The following PDE1C variants were observed in gnomAD, a reference collection of about 807,000 sequenced individuals.
PDE1C encodes dual specificity calcium/calmodulin-dependent 3',5'-cyclic nucleotide phosphodiesterase 1C.
PDE1C carries 62 observed loss-of-function variants against 93.1 expected under a neutral mutation model. That is an observed-to-expected ratio of 0.67 (90% confidence interval 0.54 to 0.82). The LOEUF is 0.82. Ranked by LOEUF, PDE1C falls within the 40% of genes least tolerant of loss-of-function variation. The pLI is 0.00. For synonymous variants in PDE1C, 325 were observed against 310.1 expected, an observed-to-expected ratio of 1.05 and a Z score of -0.50; for missense variants, 742 against 884.6, an observed-to-expected ratio of 0.84 and a Z score of 2.04.
intron 3 of PDE1C, among the ~76,000 whole-genome samples, chr7:32,088,667 A>G (rs1353662519): frequency 6.6e-6 from 1 of 152,166 alleles, no homozygotes; most frequent in African/African-American, 2.4e-5. Flanking sequence ...GCAGAGGAAA[A>G]TCCCTCTATG....
chr7:32,046,063 CAT>C, intron 2 of PDE1C, among the ~76,000 whole-genome samples: 1 of 152,242 alleles, frequency 6.6e-6, no homozygotes, highest in Middle Eastern at 3.4e-3. Context: ...CATGGAAAAA[CAT>C]AACTCCTTGC....
chr7:32,205,849 A>G (rs576120173), intron 2 of PDE1C, among the ~76,000 whole-genome samples: 1 of 152,278 alleles, frequency 6.6e-6, no homozygotes, highest in South Asian at 2.1e-4. Flanking sequence ...TCACCCCTGG[A>G]GTCATTAAGA....
chr7:31,973,578 G>T (rs1426515721), intron 2 of PDE1C, among the ~76,000 whole-genome samples: 1 of 152,184 alleles, frequency 6.6e-6, no homozygotes, highest in Non-Finnish European at 1.5e-5. Flanking sequence ...TAATGTGTTA[G>T]ATACAAGCCC....
intron 2 of PDE1C, among the ~76,000 whole-genome samples, chr7:32,029,716 C>T (rs1453866909): frequency 6.6e-6 from 1 of 151,952 alleles, no homozygotes; most frequent in East Asian, 1.9e-4. Flanking sequence ...GGTAATGCAA[C>T]CTAGGTTTAA....
chr7:31,675,226 T>C, the PDE1C span, among the ~76,000 whole-genome samples: 1 of 152,184 alleles, frequency 6.6e-6, no homozygotes, highest in Non-Finnish European at 1.5e-5. Flanking sequence ...TCTTGGATCA[T>C]AGCTATTGAA....
downstream of PDE1C, among the ~76,000 whole-genome samples, chr7:31,748,309 A>C (rs554343236): frequency 6.6e-6 from 1 of 152,306 alleles, no homozygotes; most frequent in South Asian, 2.1e-4. Flanking sequence ...TTCTTTACCT[A>C]GTGAGTCATA....
chr7:32,071,450 C>T, upstream of PDE1C: 1 of 983,784 alleles, frequency 1.0e-6, no homozygotes, highest in South Asian at 4.7e-5. Context: ...GGGGCTCTCT[C>T]GCTCGCGCTC....
chr7:32,404,392 C>T (rs929164548), intron 1 of PDE1C, among the ~76,000 whole-genome samples: 3 of 152,160 alleles, frequency 2.0e-5, no homozygotes, highest in African/African-American at 7.2e-5. Flanking sequence ...AAGAGTCTGT[C>T]ACCCAGGCTG....
chr7:32,367,409 A>G (rs1248534977), intron 1 of PDE1C, among the ~76,000 whole-genome samples: 1 of 152,240 alleles, frequency 6.6e-6, no homozygotes, highest in Non-Finnish European at 1.5e-5. Flanking sequence ...GTTCTCACCT[A>G]TCAATAATAA....
chr7:31,838,939 T>A (rs1381179017), intron 9 of PDE1C, among the ~76,000 whole-genome samples: 1 of 150,842 alleles, frequency 6.6e-6, no homozygotes, highest in Non-Finnish European at 1.5e-5. Flanking sequence ...AATTTTCTAG[T>A]TTTATACATG....
intron 16 of PDE1C, among the ~76,000 whole-genome samples, chr7:31,798,258 A>G (rs1208464199): frequency 6.6e-6 from 1 of 151,728 alleles, no homozygotes; most frequent in Non-Finnish European, 1.5e-5. Flanking sequence ...AGTGTCAACA[A>G]ATCCTCTCCA....
chr7:31,650,736 T>G, the PDE1C span, among the ~76,000 whole-genome samples: 44 of 152,192 alleles, frequency 2.9e-4, no homozygotes, highest in Non-Finnish European at 5.3e-4. Context: ...TGTTCAATGT[T>G]ATTGATACTC....
chr7:31,634,347 A>ATG, the PDE1C span, among the ~76,000 whole-genome samples: 1 of 152,244 alleles, frequency 6.6e-6, no homozygotes, highest in Non-Finnish European at 1.5e-5. Flanking sequence ...ATTAATAATG[A>ATG]TGTCCTGCAG....
chr7:32,174,542 G>A (rs1266132741), intron 2 of PDE1C, among the ~76,000 whole-genome samples: 1 of 152,116 alleles, frequency 6.6e-6, no homozygotes, highest in Non-Finnish European at 1.5e-5. Flanking sequence ...AATCAGTGCA[G>A]ACAGCATATA....
chr7:32,337,472 C>T (rs1000533102), intron 1 of PDE1C, among the ~76,000 whole-genome samples: 2 of 152,144 alleles, frequency 1.3e-5, no homozygotes, highest in Admixed American at 6.5e-5. Context: ...GTATTTACTG[C>T]TATACATCTT....
rs546326316 is a variant in PDE1C, at chr7:32,374,288, A to G, written c.310+53534T>C. ...GAAAGAAAGAAAGAAAGAAAGAAAG[A>G]AAGAAAGAAAGAAAGAAAGAAGAAA... On this transcript the variant is annotated intron_variant, in intron 1 of 1. Coordinates refer to the PDE1C transcript ENST00000672256. 2.6e-3 allele frequency among the ~76,000 whole-genome samples: 385 copies of G among 150,536 alleles called. 3 individuals carry two copies. Among genetic ancestry groups the G allele is most frequent in the African/African-American group, 9.0e-3 (362 of 40,218 alleles).
intron 2 of PDE1C, among the ~76,000 whole-genome samples, chr7:32,033,326 C>G (rs897766368): frequency 6.6e-6 from 1 of 152,030 alleles, no homozygotes; most frequent in Non-Finnish European, 1.5e-5. Context: ...CCCTGGAATT[C>G]ATTCAGTAGT....
chr7:32,254,850 C>T (rs942007204), intron 1 of PDE1C, among the ~76,000 whole-genome samples: 2 of 152,208 alleles, frequency 1.3e-5, no homozygotes, highest in African/African-American at 4.8e-5. Context: ...CAACTCTATG[C>T]TTCCAACAAG....
rs1452042579 is a variant in PDE1C, at chr7:31,809,095, A to G, written c.1827T>C (p.Asp609=). Residue 609 remains aspartate, a synonymous_variant, in exon 16 of 18, where the codon GAT becomes GAC. Coordinates refer to ENST00000396191, the MANE Select transcript of PDE1C (RefSeq NM_001191057.4). Reference sequence around the variant, plus strand: ...CCTTCTTGTCTGTCTTATTTTTACCATCTTTGAAGTCACCTGAAAGTAATA... The same window carrying G: ...CCTTCTTGTCTGTCTTATTTTTACCGTCTTTGAAGTCACCTGAAAGTAATA... The part of the protein sequence containing the change: ...GEQQQNGDFK[D]GKNKTDKKDH... 1 of 1,580,966 alleles carries G rather than the reference A, an allele frequency of 6.3e-7. No individual in the cohort carries two copies. The highest frequency in any genetic ancestry group is 2.2e-5 in the East Asian group (1 of 44,462).
Sources: gnomAD v4.1 joint callset for allele counts (sites outside exome capture counted in the v4.1 genomes callset) on GRCh38, gnomAD v4.1.1 for gene constraint, MANE v1.5 for transcripts, NCBI Gene and HGNC (gene_info 2026-07-23, HGNC 2026-07-21) for gene names.